The following MALRD1 variants were observed in gnomAD, a reference collection of about 807,000 sequenced individuals.
The protein encoded by MALRD1 is MAM and LDL receptor class A domain containing 1.
In MALRD1, 247 loss-of-function variants were observed where a neutral mutation model predicts 242.1. The observed-to-expected ratio is 1.02, with a 90% CI of 0.92 to 1.13. MALRD1 has a LOEUF of 1.13. MALRD1 is among the 50% of genes most tolerant of loss of function. The pLI is 0.00. For missense variants in MALRD1, 2,989 were observed against 2,533.1 expected, an observed-to-expected ratio of 1.18 and a Z score of -3.86; for synonymous variants, 995 against 866.6, an observed-to-expected ratio of 1.15 and a Z score of -2.60.
At chr10:19,170,046 GGGTTTCATAGCAAA>G (rs1344413990) in intron 13 of MALRD1, among the ~76,000 whole-genome samples, 1 of 152,088 alleles carries the variant, frequency 6.6e-6, no homozygotes, top group African/African-American at 2.4e-5. Context: ...AAATTGCTTT[GGGTTTCATAGCAAA>G]TAAGCACCCC....
chr10:19,283,926 T>C (rs141533936), intron 21 of MALRD1, among the ~76,000 whole-genome samples: 93 of 152,264 alleles, frequency 6.1e-4, no homozygotes, highest in African/African-American at 2.1e-3. Context: ...CTTGCTCTCA[T>C]TAGGGAGACA....
chr10:19,145,685 C>A (rs1833704735), intron 10 of MALRD1, among the ~76,000 whole-genome samples: 1 of 150,534 alleles, frequency 6.6e-6, no homozygotes, highest in African/African-American at 2.4e-5. Flanking sequence ...AAAGATAACA[C>A]CAGCTCAGTT....
chr10:19,058,425 G>T (rs1216955468), intron 1 of MALRD1, among the ~76,000 whole-genome samples: 1 of 152,052 alleles, frequency 6.6e-6, no homozygotes, highest in East Asian at 1.9e-4. Context: ...AAAAGTCAAG[G>T]AAAGTTTCTC....
At chr10:19,192,528 C>G (rs1371517057) in intron 14 of MALRD1, among the ~76,000 whole-genome samples, 6 of 152,194 alleles carry the variant, frequency 3.9e-5, no homozygotes, top group South Asian at 2.1e-4. Flanking sequence ...CTCAGTCTTG[C>G]AGCCACAAGA....
At chr10:19,140,753 A>C (rs1833511682) in intron 10 of MALRD1, among the ~76,000 whole-genome samples, 2 of 152,148 alleles carry the variant, frequency 1.3e-5, no homozygotes, top group African/African-American at 4.8e-5. Context: ...AATTTGTAGA[A>C]ACAGAGAGTA....
intron 13 of MALRD1, among the ~76,000 whole-genome samples, chr10:19,171,849 C>A (rs898263105): frequency 7.0e-6 from 1 of 142,476 alleles, no homozygotes; most frequent in African/African-American, 2.6e-5. Context: ...CATATATACA[C>A]ATACATATAT....
intron 1 of MALRD1, among the ~76,000 whole-genome samples, chr10:19,060,554 T>C (rs1289806241): frequency 6.6e-6 from 1 of 152,132 alleles, no homozygotes. Context: ...ATCTTCTCAC[T>C]CTCCCATTGT....
upstream of MALRD1, among the ~76,000 whole-genome samples, chr10:19,047,735 C>T (rs1304692967): frequency 6.6e-6 from 1 of 151,970 alleles, no homozygotes; most frequent in Non-Finnish European, 1.5e-5. Flanking sequence ...TCCCCCTGCC[C>T]CCCAGAATCC....
At chr10:19,296,010 C>T (rs898559150) in intron 21 of MALRD1, among the ~76,000 whole-genome samples, 1 of 152,080 alleles carries the variant, frequency 6.6e-6, no homozygotes, top group African/African-American at 2.4e-5. Context: ...TACTTGGAGG[C>T]AGTGTTGAAA....
Position 19,353,098 on chromosome 10 carries a change from C to A in MALRD1, c.4441+801C>A, listed in dbSNP as rs116302522. On this transcript the variant is annotated intron_variant, in intron 26 of 39. Transcript: ENST00000454679. Reference sequence around the variant, plus strand: ...CTAAGTTCACTGCAACCTCTTCCTCCTGGGCTCAATTGATCCTCCCGCCTC... The same window carrying A: ...CTAAGTTCACTGCAACCTCTTCCTCATGGGCTCAATTGATCCTCCCGCCTC... Among the ~76,000 whole-genome samples, 1,196 of 152,116 alleles carry A rather than the reference C, an allele frequency of 7.9e-3. 16 individuals are homozygous for A. Among genetic ancestry groups the A allele is most frequent in the Middle Eastern group, 0.024 (7 of 294 alleles).
intron 18 of MALRD1, among the ~76,000 whole-genome samples, chr10:19,257,300 A>G (rs1247276188): frequency 3.3e-5 from 5 of 152,152 alleles, no homozygotes; most frequent in Non-Finnish European, 7.4e-5. Flanking sequence ...TGGGAAACAG[A>G]TGACCCAGGA....
intron 38 of MALRD1, among the ~76,000 whole-genome samples, chr10:19,705,113 T>C (rs1476132398): frequency 6.6e-6 from 1 of 152,236 alleles, no homozygotes; most frequent in African/African-American, 2.4e-5. Flanking sequence ...TCCTGTAATA[T>C]TATATTCTCT....
intron 38 of MALRD1, chr10:19,716,927 AAGAAACCCCTC>A (rs1834419219): frequency 6.6e-6 from 1 of 152,186 alleles, no homozygotes; most frequent in South Asian, 2.1e-4. Context: ...CAAAACAAAA[AAGAAACCCCTC>A]ATCAATCAAG....
intron 29 of MALRD1, among the ~76,000 whole-genome samples, chr10:19,455,693 A>C (rs1431870034): frequency 2.0e-5 from 3 of 152,182 alleles, no homozygotes; most frequent in Non-Finnish European, 4.4e-5. Context: ...TAATTGTTTT[A>C]GGGACAACAC....
chr10:19,488,444 C>T (rs1837327049), intron 29 of MALRD1, among the ~76,000 whole-genome samples: 1 of 151,978 alleles, frequency 6.6e-6, no homozygotes, highest in Admixed American at 6.6e-5. Flanking sequence ...ACTTAGGTGG[C>T]ATGAAACAGA....
chr10:19,405,773 T>C (rs1388697343), intron 28 of MALRD1, among the ~76,000 whole-genome samples: 5 of 152,204 alleles, frequency 3.3e-5, no homozygotes, highest in African/African-American at 1.2e-4. Context: ...GAGCCACATG[T>C]TCTATTCTTC....
At chr10:19,322,348 C>T (rs983938653) in intron 21 of MALRD1, among the ~76,000 whole-genome samples, 3 of 151,988 alleles carry the variant, frequency 2.0e-5, no homozygotes, top group Admixed American at 6.6e-5. Flanking sequence ...GATAATTCTG[C>T]GTCTTAAAAA....
At chr10:19,462,239 C>A (rs1414279144) in intron 29 of MALRD1, among the ~76,000 whole-genome samples, 1 of 152,208 alleles carries the variant, frequency 6.6e-6, no homozygotes, top group African/African-American at 2.4e-5. Context: ...GCCCACATCT[C>A]CACCTACTTC....
chr10:19,207,673 T>C (rs1332062784), intron 17 of MALRD1, among the ~76,000 whole-genome samples: 3 of 152,004 alleles, frequency 2.0e-5, no homozygotes, highest in African/African-American at 7.2e-5. Flanking sequence ...GATAATTTGT[T>C]TGTATTTTTA....
Sources: allele counts gnomAD v4.1 joint callset (sites outside exome capture counted in the v4.1 genomes callset), GRCh38; gene constraint gnomAD v4.1.1; transcripts MANE v1.5; gene names NCBI Gene and HGNC (gene_info 2026-07-23, HGNC 2026-07-21).